The following HHAT variants were observed in gnomAD, a reference collection of about 807,000 sequenced individuals.
HHAT encodes the protein hedgehog acyltransferase.
A neutral mutation model predicts 70.8 loss-of-function variants in HHAT; 47 were observed. That is an observed-to-expected ratio of 0.66 (90% CI 0.53 to 0.85). The LOEUF is 0.85. HHAT is among the 40% of genes least tolerant of loss of function. The pLI is 0.00. For missense variants in HHAT, 609 were observed against 604.8 expected (o/e 1.01, Z -0.07); for synonymous variants, 228 against 247.6 (o/e 0.92, Z 0.74).
chr1:210,397,490 GA>G (rs989774026), intron 4 of HHAT, among the ~76,000 whole-genome samples: 17 of 151,954 alleles, frequency 1.1e-4, no homozygotes, highest in Non-Finnish European at 1.9e-4. Context: ...AGAACTTGGG[GA>G]AAAAAATCTG....
chr1:210,342,127 C>A (rs1459132191), intron 1 of HHAT, among the ~76,000 whole-genome samples: 3 of 152,058 alleles, frequency 2.0e-5, no homozygotes, highest in African/African-American at 7.2e-5. Flanking sequence ...AATTTTTCCC[C>A]ATCTGTGTGG....
At chr1:210,524,486 A>G (rs1156503687) in intron 9 of HHAT, among the ~76,000 whole-genome samples, 1 of 152,170 alleles carries the variant, frequency 6.6e-6, no homozygotes, top group East Asian at 1.9e-4. Context: ...CCTGAGTTGC[A>G]AAGGAACATG....
At chr1:210,615,482 G>C (rs746397409) in intron 10 of HHAT, among the ~76,000 whole-genome samples, 16 of 152,218 alleles carry the variant, frequency 1.1e-4, no homozygotes, top group Non-Finnish European at 2.2e-4. Context: ...TGCTGGTGAG[G>C]AGCTGCATTC....
chr1:210,376,617 G>A (rs1171934983), intron 3 of HHAT, among the ~76,000 whole-genome samples: 4 of 152,192 alleles, frequency 2.6e-5, no homozygotes, highest in African/African-American at 4.8e-5. Context: ...CCTTGGTCTC[G>A]TTCTTCTCTG....
intron 9 of HHAT, among the ~76,000 whole-genome samples, chr1:210,579,721 G>A (rs1337505616): frequency 6.6e-6 from 1 of 152,162 alleles, no homozygotes; most frequent in African/African-American, 2.4e-5. Flanking sequence ...CAAGCACTGC[G>A]CTCTTTCTTG....
chr1:210,657,495 C>T (rs1487565414), intron 11 of HHAT, among the ~76,000 whole-genome samples: 1 of 152,206 alleles, frequency 6.6e-6, no homozygotes, highest in Non-Finnish European at 1.5e-5. Flanking sequence ...CTCATCATCG[C>T]TTCTGAGAGC....
intron 9 of HHAT, among the ~76,000 whole-genome samples, chr1:210,549,969 C>G (rs2095514970): frequency 6.7e-6 from 1 of 149,220 alleles, no homozygotes; most frequent in Non-Finnish European, 1.5e-5. Flanking sequence ...AAGGGCTCAT[C>G]AGAGCCACAG....
At chr1:210,486,703 A>G (rs2094477306) in intron 8 of HHAT, among the ~76,000 whole-genome samples, 1 of 152,184 alleles carries the variant, frequency 6.6e-6, no homozygotes, top group African/African-American at 2.4e-5. Context: ...TACCTTTTCT[A>G]TAGTTTGTAT....
At chr1:210,652,504 A>C (rs1675366015) in intron 11 of HHAT, among the ~76,000 whole-genome samples, 1 of 152,150 alleles carries the variant, frequency 6.6e-6, no homozygotes, top group South Asian at 2.1e-4. Flanking sequence ...GCACCTGGAG[A>C]CATCAAGGTG....
chr1:210,526,058 A>G (rs561415233), intron 9 of HHAT, among the ~76,000 whole-genome samples: 40 of 152,232 alleles, frequency 2.6e-4, no homozygotes, highest in African/African-American at 9.6e-4. Context: ...CGTGCCTGAG[A>G]TTAGATTCCA....
intron 9 of HHAT, among the ~76,000 whole-genome samples, chr1:210,577,074 T>G (rs544026570): frequency 3.0e-4 from 19 of 63,752 alleles, no homozygotes; most frequent in African/African-American, 6.7e-4. Context: ...GTTTAACGGG[T>G]TTTTTTTTTG....
chr1:210,653,633 TA>T (rs921686032), intron 11 of HHAT, among the ~76,000 whole-genome samples: 4 of 151,924 alleles, frequency 2.6e-5, no homozygotes, highest in African/African-American at 9.7e-5. Context: ...GAGATGCCTA[TA>T]GGGGGAGGAA....
chr1:210,561,263 CT>C (rs1053584818), intron 9 of HHAT, among the ~76,000 whole-genome samples: 2 of 152,150 alleles, frequency 1.3e-5, no homozygotes, highest in African/African-American at 4.8e-5. Context: ...AGTCTGAGAA[CT>C]TTTGAAAATA....
intron 8 of HHAT, among the ~76,000 whole-genome samples, chr1:210,498,058 A>AT (rs1035124668): frequency 5.0e-4 from 76 of 152,070 alleles, no homozygotes; most frequent in African/African-American, 1.8e-3. Flanking sequence ...CCCGGCCATA[A>AT]TTTTTTATTT....
At chr1:210,449,265 A>G (rs1316486397) in intron 7 of HHAT, among the ~76,000 whole-genome samples, 1 of 140,546 alleles carries the variant, frequency 7.1e-6, no homozygotes, top group East Asian at 2.1e-4. Context: ...TTAGGAACAA[A>G]GCTCATCCTC....
At chr1:210,634,277 A>G (rs1412171630) in intron 11 of HHAT, among the ~76,000 whole-genome samples, 1 of 152,180 alleles carries the variant, frequency 6.6e-6, no homozygotes, top group Non-Finnish European at 1.5e-5. Flanking sequence ...GGGGAGGCCA[A>G]GCCACCCTGT....
At chr1:210,403,132 T>C (rs530874794) in intron 5 of HHAT, among the ~76,000 whole-genome samples, 1 of 152,328 alleles carries the variant, frequency 6.6e-6, no homozygotes, top group East Asian at 1.9e-4. Context: ...TCTACCTTCA[T>C]TTTTCTCACT....
rs1397721637 is a variant in HHAT, at chr1:210,439,970, A to G, written c.856+21645A>G. Among the ~76,000 whole-genome samples, 3 of 151,966 alleles carry G rather than the reference A, an allele frequency of 2.0e-5. No homozygotes were observed. In the East Asian group the frequency reaches 5.8e-4, roughly 29 times the overall value. On this transcript the variant is annotated intron_variant, in intron 7 of 11. Transcript: ENST00000261458. Reference sequence around the variant, plus strand: ...ATTCAGCTGACATTGTAATTTAATAAAGCTAAGGATAAAACTTCTGGGGTT... The same window carrying G: ...ATTCAGCTGACATTGTAATTTAATAGAGCTAAGGATAAAACTTCTGGGGTT...
chr1:210,410,523 ATT>A (rs35608235), intron 6 of HHAT, among the ~76,000 whole-genome samples: 5,364 of 116,104 alleles, frequency 0.046, 170 homozygotes, highest in Non-Finnish European at 0.066. Flanking sequence ...TTATTTGTAA[ATT>A]TTTTTTTTTT....
Sources: allele counts gnomAD v4.1 joint callset (sites outside exome capture counted in the v4.1 genomes callset), GRCh38; gene constraint gnomAD v4.1.1; transcripts MANE v1.5; gene names NCBI Gene and HGNC (gene_info 2026-07-23, HGNC 2026-07-21).